The following MYO1D variants were observed in gnomAD, a reference collection of about 807,000 sequenced individuals.
MYO1D encodes the protein myosin ID, also known as unconventional myosin-Id.
A neutral mutation model predicts 122.0 loss-of-function variants in MYO1D; 83 were observed. The observed-to-expected ratio is 0.68, with a 90% confidence interval of 0.57 to 0.82. MYO1D has a LOEUF of 0.82. Ranked by LOEUF, MYO1D falls within the 40% of genes least tolerant of loss-of-function variation. The pLI is 0.00. For synonymous variants in MYO1D, 464 were observed against 446.9 expected (o/e 1.04, Z -0.48); for missense variants, 1,157 against 1,269.5 (o/e 0.91, Z 1.35).
At chr17:32,545,498 GA>G (rs1366869264) in intron 21 of MYO1D, among the ~76,000 whole-genome samples, 1 of 152,114 alleles carries the variant, frequency 6.6e-6, no homozygotes, top group African/African-American at 2.4e-5. Flanking sequence ...AACGTGAGAG[GA>G]GTGGAATACC....
intron 14 of MYO1D, among the ~76,000 whole-genome samples, chr17:32,733,739 T>G (rs1393569094): frequency 6.6e-6 from 1 of 152,196 alleles, no homozygotes; most frequent in Admixed American, 6.5e-5. Context: ...AGGGGTTTTT[T>G]CCTTCACTCA....
At chr17:32,876,371 A>C (rs1318421515) in intron 1 of MYO1D, among the ~76,000 whole-genome samples, 1 of 152,128 alleles carries the variant, frequency 6.6e-6, no homozygotes, top group Non-Finnish European at 1.5e-5. Flanking sequence ...CAGTCCTCCT[A>C]GGGCCTTCGG....
At chr17:32,545,785 G>T (rs112962349) in intron 21 of MYO1D, among the ~76,000 whole-genome samples, 47 of 124,314 alleles carry the variant, frequency 3.8e-4, no homozygotes, top group South Asian at 7.4e-4. Context: ...TTTTTTTTTT[G>T]GGGTTCCACA....
Position 32,699,795 on chromosome 17 carries a change from T to C in MYO1D, c.2121+12193A>G, listed in dbSNP as rs115397683. On this transcript the variant is annotated intron_variant, in intron 16 of 21. Transcript: ENST00000318217. ...ATGGAAACATGGAGATTCATTAAAC[T>C]GTTCTTCCTATTTTTGTGAATATTT... is the stretch of plus-strand genomic sequence containing the variant. Among the ~76,000 whole-genome samples the C allele has an allele frequency of 2.5e-3, 375 of 152,344 alleles. 4 individuals are homozygous for C. The highest frequency in any genetic ancestry group is 6.9e-3 in the African/African-American group (285 of 41,582).
chr17:32,622,453 CA>C (rs569740467), intron 20 of MYO1D, among the ~76,000 whole-genome samples: 42 of 152,138 alleles, frequency 2.8e-4, no homozygotes, highest in African/African-American at 1.0e-3. Flanking sequence ...GTGGGGGAGC[CA>C]GACTGAAAAG....
chr17:32,672,586 A>G (rs538291490), intron 16 of MYO1D, among the ~76,000 whole-genome samples: 1 of 152,192 alleles, frequency 6.6e-6, no homozygotes, highest in Admixed American at 6.5e-5. Context: ...CCTGGGTTCA[A>G]GCGATTCTCC....
At chr17:32,762,882 GA>G (rs34258339) in intron 8 of MYO1D, among the ~76,000 whole-genome samples, 61,887 of 129,868 alleles carry the variant, frequency 0.48, 13,840 homozygotes, top group East Asian at 0.74. Context: ...AAAAAAAAAA[GA>G]AAAAAAAAAA....
intron 16 of MYO1D, among the ~76,000 whole-genome samples, chr17:32,673,718 A>G (rs2088758930): frequency 6.6e-6 from 1 of 152,224 alleles, no homozygotes; most frequent in African/African-American, 2.4e-5. Context: ...ATAGTGATAT[A>G]GCAAAACTGG....
chr17:32,518,054 A>G (rs898759990), intron 21 of MYO1D, among the ~76,000 whole-genome samples: 1 of 149,122 alleles, frequency 6.7e-6, no homozygotes, highest in Non-Finnish European at 1.5e-5. Flanking sequence ...CCACTCTGCC[A>G]TCACCCTCTG....
At chr17:32,628,375 G>A (rs1034363429) in intron 20 of MYO1D, among the ~76,000 whole-genome samples, 3 of 152,170 alleles carry the variant, frequency 2.0e-5, no homozygotes, top group African/African-American at 7.2e-5. Context: ...ACAATTATAT[G>A]ACCATGCCAT....
chr17:32,760,695 C>A, intron 8 of MYO1D, 68 bp from the exon 9 acceptor site: 1 of 1,500,362 alleles, frequency 6.7e-7, no homozygotes, highest in South Asian at 1.3e-5. Flanking sequence ...GATTTGTGAT[C>A]AGTTTTAAAT....
chr17:32,552,570 C>T (rs112720014), intron 21 of MYO1D, among the ~76,000 whole-genome samples: 3 of 152,242 alleles, frequency 2.0e-5, no homozygotes, highest in African/African-American at 7.2e-5. Context: ...CTTTCATCTC[C>T]CACCTTCCTC....
Position 32,826,871 on chromosome 17 carries a change from C to G in MYO1D, c.96-46087G>C, listed in dbSNP as rs184987756. Among the ~76,000 whole-genome samples, 372 of 152,048 alleles carry G rather than the reference C, an allele frequency of 2.4e-3. 3 individuals are homozygous for G. The highest frequency in any genetic ancestry group is 8.7e-3 in the African/African-American group (359 of 41,478). On this transcript the variant is annotated intron_variant, in intron 1 of 21. Transcript: ENST00000318217. ...AACATATACATATATATATTTTAAACTTTTAAAAAATGCTATATCAGTATA... is the reference window on the plus strand; with the variant it reads ...AACATATACATATATATATTTTAAAGTTTTAAAAAATGCTATATCAGTATA...
At chr17:32,773,516 C>T (rs147013620) in intron 4 of MYO1D, among the ~76,000 whole-genome samples, 3,758 of 151,190 alleles carry the variant, frequency 0.025, 128 homozygotes, top group East Asian at 0.18. Context: ...AGTACCAACC[C>T]CACCCCACTC....
At chr17:32,864,379 C>T (rs1007582610) in intron 1 of MYO1D, among the ~76,000 whole-genome samples, 1 of 151,704 alleles carries the variant, frequency 6.6e-6, no homozygotes, top group Non-Finnish European at 1.5e-5. Flanking sequence ...GCAAATGACA[C>T]AAAGCTATAT....
At chr17:32,590,261 T>C (rs2087427518) in intron 21 of MYO1D, among the ~76,000 whole-genome samples, 2 of 152,184 alleles carry the variant, frequency 1.3e-5, no homozygotes, top group Non-Finnish European at 2.9e-5. Flanking sequence ...CACCAAGTTT[T>C]TGCATATTCT....
At chr17:32,766,959 G>C (rs1486557057) in intron 7 of MYO1D, among the ~76,000 whole-genome samples, 1 of 152,102 alleles carries the variant, frequency 6.6e-6, no homozygotes, top group East Asian at 1.9e-4. Context: ...TTTTCATAAA[G>C]ATCCTGCACA....
chr17:32,508,629 C>T (rs778482815), intron 21 of MYO1D, among the ~76,000 whole-genome samples: 1 of 152,178 alleles, frequency 6.6e-6, no homozygotes, highest in Non-Finnish European at 1.5e-5. Context: ...AATAGTCAAA[C>T]AGTATACAGT....
intron 19 of MYO1D, among the ~76,000 whole-genome samples, chr17:32,649,422 G>A (rs1246102652): frequency 6.6e-6 from 1 of 151,946 alleles, no homozygotes; most frequent in Non-Finnish European, 1.5e-5. Context: ...GATCATTCTA[G>A]GTACCATATA....
Sources: allele counts gnomAD v4.1 joint callset (sites outside exome capture counted in the v4.1 genomes callset), GRCh38; gene constraint gnomAD v4.1.1; transcripts MANE v1.5; gene names NCBI Gene and HGNC (gene_info 2026-07-23, HGNC 2026-07-21).